The following GALNT12 variants were observed in gnomAD, a reference collection of about 807,000 sequenced individuals.
GALNT12 encodes the protein polypeptide N-acetylgalactosaminyltransferase 12.
A neutral mutation model predicts 55.5 loss-of-function variants in GALNT12; 45 were observed. That is an observed-to-expected ratio of 0.81 (90% CI 0.64 to 1.04). GALNT12 has a LOEUF of 1.04. GALNT12 is among the 50% of genes least tolerant of loss of function. The pLI is 0.00. For missense variants in GALNT12, 709 were observed against 754.8 expected, an observed-to-expected ratio of 0.94 and a Z score of 0.71; for synonymous variants, 304 against 312.2, an observed-to-expected ratio of 0.97 and a Z score of 0.28.
At chr9:98,824,077 C>A (rs1047156517) in intron 2 of GALNT12, among the ~76,000 whole-genome samples, 1 of 152,198 alleles carries the variant, frequency 6.6e-6, no homozygotes, top group Non-Finnish European at 1.5e-5. Context: ...GGGAAGCAAC[C>A]CCTGCTGATG....
chr9:98,827,374 A>AT (rs1411587090), intron 3 of GALNT12, among the ~76,000 whole-genome samples: 4 of 151,610 alleles, frequency 2.6e-5, no homozygotes, highest in East Asian at 3.9e-4. Flanking sequence ...CTAATTTTAT[A>AT]TTTTTTTGTA....
In GALNT12 at chr9:98,833,534, G is replaced by A. The variant is rs559128513; in HGVS notation, c.917+1577G>A. Among the ~76,000 whole-genome samples the A allele has an allele frequency of 4.6e-5, 7 of 152,280 alleles. No homozygotes were observed. In the East Asian group the frequency reaches 1.2e-3, roughly 25 times the overall value. On this transcript the variant is annotated intron_variant, in intron 4 of 9. Transcript: ENST00000375011. The stretch of plus-strand genomic sequence containing the variant: ...ATGTGGTGAGGGCCCTGGGGGGACC[G>A]TTGTAGGCAGGGATACCATTAGGAG...
chr9:98,816,882 G>A (rs1330483244), intron 1 of GALNT12, among the ~76,000 whole-genome samples: 1 of 146,930 alleles, frequency 6.8e-6, no homozygotes. Context: ...GAGTGCAGTG[G>A]CCCCTGATCT....
intron 7 of GALNT12, among the ~76,000 whole-genome samples, chr9:98,843,258 C>T (rs928910767): frequency 1.3e-5 from 2 of 152,054 alleles, no homozygotes; most frequent in African/African-American, 4.8e-5. Flanking sequence ...AAAATAGTTT[C>T]AAGATAATTA....
In GALNT12 at chr9:98,845,923, TCTTCCCACATCAG is replaced by T. The variant is rs552902108; in HGVS notation, c.1459-53_1459-41del. The T allele has an allele frequency of 1.1e-4, 174 of 1,597,040 alleles. 4 individuals are homozygous for T. In the South Asian group the frequency reaches 1.9e-3, roughly 17 times the overall value. ...CAGGTTCTTGTCCAGCGATCTTTCC[TCTTCCCACATCAG>T]TGGAAAATGTTGTGTTACATGTTGG... On this transcript the variant is annotated intron_variant, in intron 8 of 9. Transcript: ENST00000375011.
At chr9:98,834,561 G>A (rs147234746) in intron 4 of GALNT12, among the ~76,000 whole-genome samples, 3 of 152,340 alleles carry the variant, frequency 2.0e-5, no homozygotes, top group East Asian at 3.9e-4. Context: ...GGTGGGTGGC[G>A]GGAAACAAGG....
chr9:98,846,521 A>G (rs892367527), intron 9 of GALNT12, among the ~76,000 whole-genome samples: 8 of 152,168 alleles, frequency 5.3e-5, no homozygotes, highest in African/African-American at 1.9e-4. Context: ...AGATCCAGAT[A>G]TAAGCCACCC....
intron 5 of GALNT12, 57 bp downstream of exon 5, chr9:98,835,423 C>T (rs999680107): frequency 3.5e-5 from 39 of 1,111,306 alleles, no homozygotes; most frequent in Admixed American, 2.7e-4. Context: ...TCTTTGGGAA[C>T]GATGGGATTT....
At chr9:98,841,073 G>A (rs905260494) in intron 7 of GALNT12, among the ~76,000 whole-genome samples, 1 of 152,220 alleles carries the variant, frequency 6.6e-6, no homozygotes, top group East Asian at 1.9e-4. Context: ...CAAACAAGGT[G>A]CACACATTGC....
intron 9 of GALNT12, among the ~76,000 whole-genome samples, chr9:98,846,941 C>G (rs1014018335): frequency 4.7e-5 from 7 of 149,376 alleles, no homozygotes; most frequent in Middle Eastern, 7.2e-3. Flanking sequence ...TCTTTGGAAA[C>G]TATAAAGCTC....
rs1836169484 is a variant in GALNT12 at position 98,837,020 on chromosome 9, G to A, written c.1084G>A (p.Gly362Ser). The A allele has an allele frequency of 1.9e-6, 3 of 1,614,166 alleles. No individual in the cohort carries two copies. The East Asian group carries it at 6.7e-5, about 36-fold the overall frequency. The change falls in exon 6 of 10, where the codon GGC (glycine) becomes AGC (serine). Residue 362 changes from glycine (G) to serine (S), a missense_variant. Gly to Ser is a moderately conservative substitution (Grantham distance 56, BLOSUM62 0). Coordinates refer to ENST00000375011, the MANE Select transcript of GALNT12 (RefSeq NM_024642.5). ...VLETHPCSHV[G>S]HVFPKQAPYS... ...GGAAACACACCCATGTTCCCATGTT[G>A]GCCATGTTTTCCCCAAGCAAGCTCC...
At chr9:98,817,432 G>A (rs1835637283) in intron 1 of GALNT12, among the ~76,000 whole-genome samples, 1 of 151,962 alleles carries the variant, frequency 6.6e-6, no homozygotes, top group African/African-American at 2.4e-5. Context: ...TGTATTTGTT[G>A]GAGGGGGGAT....
chr9:98,825,405 C>T (rs1288855917), intron 2 of GALNT12, among the ~76,000 whole-genome samples: 3 of 152,162 alleles, frequency 2.0e-5, no homozygotes, highest in South Asian at 2.1e-4. Context: ...TGATGCCCTG[C>T]TTTAACCTGT....
At chr9:98,820,886 A>G (rs1463880719) in intron 1 of GALNT12, among the ~76,000 whole-genome samples, 1 of 152,188 alleles carries the variant, frequency 6.6e-6, no homozygotes, top group Non-Finnish European at 1.5e-5. Context: ...AATACTGTAG[A>G]CTGGAGCACA....
At chr9:98,843,401 CTTT>C (rs113917177) in intron 7 of GALNT12, among the ~76,000 whole-genome samples, 1 of 143,814 alleles carries the variant, frequency 7.0e-6, no homozygotes. Flanking sequence ...TAAATTAATT[CTTT>C]TTTTTTTTTT....
At chr9:98,816,167 A>G (rs1395259309) in intron 1 of GALNT12, among the ~76,000 whole-genome samples, 1 of 152,178 alleles carries the variant, frequency 6.6e-6, no homozygotes, top group Non-Finnish European at 1.5e-5. Flanking sequence ...TTTTTACAAC[A>G]AGCCTCCTTC....
Position 98,818,516 on chromosome 9 carries a change from C to T in GALNT12, c.372-4740C>T, listed in dbSNP as rs138018543. Among the ~76,000 whole-genome samples the T allele has an allele frequency of 1.5e-3, 231 of 152,100 alleles. 2 individuals carry two copies. In the East Asian group the frequency reaches 0.027, roughly 18 times the overall value. Reference sequence around the variant, plus strand: ...CTGGGATTACAGGTGTGAGCCACCACACCTGGCCAGCTGTCCCAACTTTTA... The same window carrying T: ...CTGGGATTACAGGTGTGAGCCACCATACCTGGCCAGCTGTCCCAACTTTTA... On this transcript the variant is annotated intron_variant, in intron 1 of 9. Coordinates refer to ENST00000375011, the MANE Select transcript of GALNT12 (RefSeq NM_024642.5).
Position 98,849,556 on chromosome 9 carries a change from T to C in GALNT12, c.*464T>C. 2.2e-6 allele frequency: 1 copy of C among 463,312 alleles called. No homozygotes were observed. The highest frequency in any genetic ancestry group is 3.8e-6 in the Non-Finnish European group (1 of 265,882). The allele number at this position is 463,312 out of a possible 1,614,324, so 28.7% of individuals were successfully genotyped here. A position where few individuals can be genotyped will look rare whatever the true frequency, so the allele number is the denominator to read the frequency against. On this transcript the variant is annotated 3_prime_UTR_variant, in exon 10 of 10. Coordinates refer to ENST00000375011, the MANE Select transcript of GALNT12 (RefSeq NM_024642.5). ...TAATACCTCAGCTGCGGGGTTAAAG[T>C]TTTCCCAGTATAGAGAGACTGTCAC...
chr9:98,821,306 G>A (rs992942355), intron 1 of GALNT12, among the ~76,000 whole-genome samples: 12 of 151,956 alleles, frequency 7.9e-5, no homozygotes, highest in African/African-American at 2.4e-4. Context: ...CATCATGCCC[G>A]GCCCTGTTCT....
Sources: allele counts gnomAD v4.1 joint callset (sites outside exome capture counted in the v4.1 genomes callset), GRCh38; gene constraint gnomAD v4.1.1; transcripts MANE v1.5; gene names NCBI Gene and HGNC (gene_info 2026-07-23, HGNC 2026-07-21).